The following EIF4E3 variants were observed in gnomAD, a reference collection of about 807,000 sequenced individuals.
EIF4E3 encodes eukaryotic translation initiation factor 4E family member 3, also known as eukaryotic translation initiation factor 4E type 3.
EIF4E3 carries 26 observed loss-of-function variants against 31.7 expected under a neutral mutation model. That is an observed-to-expected ratio of 0.82 (90% CI 0.60 to 1.14). The LOEUF (loss-of-function observed/expected upper bound fraction) is 1.14. Among genes scored for constraint, EIF4E3 ranks in the 50% most tolerant of loss-of-function variants. The pLI is 0.00. For synonymous variants in EIF4E3, 128 were observed against 107.7 expected, an observed-to-expected ratio of 1.19 and a Z score of -1.17; for missense variants, 304 against 270.9, an observed-to-expected ratio of 1.12 and a Z score of -0.86.
upstream of EIF4E3, chr3:71,754,253 G>T: frequency 7.8e-7 from 1 of 1,275,234 alleles, no homozygotes. The surrounding 1 kb of genome is among the most constrained non-coding windows in gnomAD (Gnocchi z 5.8). Flanking sequence ...GGCTGCGCGC[G>T]CTCGCCTGCC....
upstream of EIF4E3, among the ~76,000 whole-genome samples, chr3:71,727,464 A>C (rs2049653723): frequency 6.6e-6 from 1 of 152,228 alleles, no homozygotes; most frequent in South Asian, 2.1e-4. Flanking sequence ...GTAAAGAGGT[A>C]ATATAATTTA....
intron 1 of EIF4E3, among the ~76,000 whole-genome samples, chr3:71,719,872 G>T (rs1344795185): frequency 6.6e-6 from 1 of 152,020 alleles, no homozygotes; most frequent in African/African-American, 2.4e-5. Context: ...AAATTAGCTG[G>T]GTGTAGTAGC....
chr3:71,746,749 C>T (rs894532423), intron 1 of EIF4E3, among the ~76,000 whole-genome samples: 7 of 152,112 alleles, frequency 4.6e-5, no homozygotes, highest in East Asian at 1.9e-4. Flanking sequence ...ATTTTCATCA[C>T]CCCCCAAAAA....
intron 3 of EIF4E3, 127 bp from the exon 4 acceptor site, chr3:71,696,647 T>G: frequency 9.4e-7 from 1 of 1,061,602 alleles, no homozygotes; most frequent in Non-Finnish European, 1.4e-6. Flanking sequence ...AGTTGGGCAT[T>G]TTTCTTATTT....
chr3:71,694,628 T>C (rs541462024), intron 4 of EIF4E3, among the ~76,000 whole-genome samples: 2 of 152,322 alleles, frequency 1.3e-5, no homozygotes, highest in South Asian at 4.1e-4. Flanking sequence ...CCACACACAT[T>C]ACTTCCTTTG....
intron 1 of EIF4E3, among the ~76,000 whole-genome samples, chr3:71,717,614 G>A (rs1012870592): frequency 6.6e-6 from 1 of 152,124 alleles, no homozygotes. Flanking sequence ...GTCCAGCTCC[G>A]ATACTTTAGG....
chr3:71,722,935 T>C (rs2049573913), intron 1 of EIF4E3, among the ~76,000 whole-genome samples: 1 of 152,220 alleles, frequency 6.6e-6, no homozygotes, highest in Non-Finnish European at 1.5e-5. Flanking sequence ...ACATAGCCTA[T>C]GACTATCCCA....
In EIF4E3 at chr3:71,696,532, A is replaced by G. The variant is rs2049139491; in HGVS notation, c.345-12T>C. The G allele has an allele frequency of 1.2e-6, 2 of 1,614,036 alleles. No individual in the cohort carries two copies. Among genetic ancestry groups the G allele is most frequent in the African/African-American group, 1.3e-5 (1 of 74,922 alleles). On this transcript the variant is annotated splice_polypyrimidine_tract_variant and intron_variant, in intron 3 of 6. Coordinates refer to ENST00000425534, the MANE Select transcript of EIF4E3 (RefSeq NM_001134651.2). ...TACTCTCCTCTTCCCTGGGCCAAAG[A>G]CCAACGTTTAAAGTTACACTCAGGA...
At chr3:71,753,809 G>A (rs1444438338), upstream of EIF4E3, among the ~76,000 whole-genome samples, 1 of 148,686 alleles carries the variant, frequency 6.7e-6, no homozygotes, top group East Asian at 1.9e-4. Flanking sequence ...AGTGAAGCCC[G>A]CGGCGCCTAG....
At chr3:71,706,989 T>C (rs1182561071) in intron 2 of EIF4E3, among the ~76,000 whole-genome samples, 1 of 152,222 alleles carries the variant, frequency 6.6e-6, no homozygotes, top group East Asian at 1.9e-4. Context: ...CAAAAGTTAT[T>C]GATAAGTTAA....
At position 71,734,977 on chromosome 3, in the gene EIF4E3, T is replaced by C. The variant is rs529739572; in HGVS notation, c.-290-6354A>G. On this transcript the variant is annotated intron_variant, in intron 1 of 7. Coordinates refer to the EIF4E3 transcript ENST00000295612. Reference sequence around the variant, plus strand: ...GTTAAAAAGAAAACTGGCCCCAGGCTGGAATGAAATTATTGGAATTAAGAA... The same window carrying C: ...GTTAAAAAGAAAACTGGCCCCAGGCCGGAATGAAATTATTGGAATTAAGAA... Among the ~76,000 whole-genome samples the C allele has an allele frequency of 3.3e-5, 5 of 152,332 alleles. No individual in the cohort carries two copies. In the South Asian group the frequency reaches 1.0e-3, roughly 32 times the overall value.
chr3:71,702,649 A>G (rs929044170), intron 2 of EIF4E3, among the ~76,000 whole-genome samples: 1 of 152,058 alleles, frequency 6.6e-6, no homozygotes, highest in African/African-American at 2.4e-5. Context: ...ATATTCATTA[A>G]AGCACATATT....
chr3:71,707,170 C>T (rs1383902084), intron 2 of EIF4E3, among the ~76,000 whole-genome samples: 1 of 152,176 alleles, frequency 6.6e-6, no homozygotes, highest in Non-Finnish European at 1.5e-5. Flanking sequence ...TGATTGGGTA[C>T]TTACTATGGC....
chr3:71,685,850 G>C (rs1027249202), intron 6 of EIF4E3, among the ~76,000 whole-genome samples: 1 of 152,232 alleles, frequency 6.6e-6, no homozygotes, highest in Non-Finnish European at 1.5e-5. Flanking sequence ...TCTGATAAAG[G>C]TGGGGTGATT....
upstream of EIF4E3, chr3:71,725,407 C>G (rs1291758664): frequency 1.0e-6 from 1 of 976,460 alleles, no homozygotes; most frequent in East Asian, 1.2e-4. The surrounding 1 kb of genome is among the most constrained non-coding windows in gnomAD (Gnocchi z 6.1). Context: ...ACGCGCGGAC[C>G]GCGGGGCGAG....
In EIF4E3 at chr3:71,680,741, A is replaced by T. The variant is rs1444200052; in HGVS notation, c.*3941T>A. On this transcript the variant is annotated 3_prime_UTR_variant, in exon 7 of 7. Transcript: ENST00000425534. ...TGCCTCTCAGTCCCTATTTTTTCCCACTTCACCCTCTGACTCCTCCCAGCT... is the reference window on the plus strand; with the variant it reads ...TGCCTCTCAGTCCCTATTTTTTCCCTCTTCACCCTCTGACTCCTCCCAGCT... 2 of 152,108 alleles carry T rather than the reference A, an allele frequency of 1.3e-5. No homozygotes were observed. Among genetic ancestry groups the T allele is most frequent in the East Asian group, 3.9e-4 (2 of 5,192 alleles). The allele number at this position is 152,108 out of a possible 1,614,324, so 9.4% of individuals were successfully genotyped here.
intron 1 of EIF4E3, among the ~76,000 whole-genome samples, chr3:71,715,015 A>G (rs150236963): frequency 2.5e-4 from 38 of 152,358 alleles, no homozygotes; most frequent in African/African-American, 8.7e-4. Flanking sequence ...CTTCCCCAGC[A>G]GAACCCTAGT....
At chr3:71,730,756 A>G (rs2049697659) in intron 1 of EIF4E3, among the ~76,000 whole-genome samples, 1 of 151,696 alleles carries the variant, frequency 6.6e-6, no homozygotes. Flanking sequence ...TTTGAGACAG[A>G]GTCTTGCTCT....
intron 2 of EIF4E3, among the ~76,000 whole-genome samples, chr3:71,700,669 T>C (rs977949926): frequency 2.6e-5 from 4 of 150,944 alleles, no homozygotes; most frequent in Non-Finnish European, 4.4e-5. Flanking sequence ...GGAAGAAGTC[T>C]GTGATGCTAT....
Sources: gnomAD v4.1 joint callset for allele counts (sites outside exome capture counted in the v4.1 genomes callset) on GRCh38, gnomAD v4.1.1 for gene constraint, Gnocchi (gnomAD v3.1) non-coding constraint, MANE v1.5 for transcripts, NCBI Gene and HGNC (gene_info 2026-07-23, HGNC 2026-07-21) for gene names.